The following CDCA5 variants were observed in gnomAD, a reference collection of about 807,000 sequenced individuals.
CDCA5 encodes the protein cell division cycle associated 5.
A neutral mutation model predicts 25.7 loss-of-function variants in CDCA5; 14 were observed. The observed-to-expected ratio is 0.54, with a 90% CI of 0.36 to 0.85. The LOEUF is 0.85. Ranked by LOEUF, CDCA5 falls within the 40% of genes least tolerant of loss-of-function variation. The pLI, the probability that CDCA5 is intolerant of heterozygous loss-of-function variation, is 0.01. For synonymous variants in CDCA5, 127 were observed against 128.7 expected (o/e 0.99, Z 0.09); for missense variants, 307 against 324.5 (o/e 0.95, Z 0.41).
chr11:65,066,459 CG>C lies in CDCA5; in HGVS notation c.577del (p.Arg193GlyfsTer?). ...CAGCTTGAAGAGGAGACCTGCCTTC[CG>C]GGGGTTTGGGTCACTGCAGGCAGAG... On this transcript the variant is annotated frameshift_variant, in exon 7 of 7. Transcript: ENST00000525464. LOFTEE classifies it low-confidence loss of function (END_TRUNC). The C allele has an allele frequency of 7.8e-7, 1 of 1,284,416 alleles. No homozygotes were observed. The highest frequency in any genetic ancestry group is 1.0e-6 in the Non-Finnish European group (1 of 985,558). 79.6% of individuals were successfully genotyped at this position (1,284,416 alleles called of 1,614,324 possible).
chr11:65,072,107 G>A (rs1447965043), intron 1 of CDCA5, among the ~76,000 whole-genome samples: 2 of 152,234 alleles, frequency 1.3e-5, no homozygotes, highest in Non-Finnish European at 2.9e-5. Context: ...AACTCTGCTG[G>A]CTGCTTTGCA....
intron 4 of CDCA5, chr11:65,067,646 C>G (rs1044527911): frequency 5.4e-6 from 7 of 1,288,904 alleles, no homozygotes; most frequent in Non-Finnish European, 7.1e-6. Flanking sequence ...ATCTGCCCGC[C>G]CAGATCACCT....
chr11:65,083,746 T>C, intron 1 of CDCA5, 23 bp from the exon 2 acceptor site: 3 of 1,601,434 alleles, frequency 1.9e-6, no homozygotes, highest in Non-Finnish European at 2.6e-6. Context: ...AAAAGTTAAG[T>C]GGTAGAGGAG....
At chr11:65,069,718 T>C (rs1947305158) in intron 1 of CDCA5, among the ~76,000 whole-genome samples, 1 of 152,122 alleles carries the variant, frequency 6.6e-6, no homozygotes, top group African/African-American at 2.4e-5. Flanking sequence ...ATTTACACCA[T>C]GAAGAAAAAC....
exon 4 of CDCA5, chr11:65,067,713 C>T: frequency 7.8e-7 from 1 of 1,289,828 alleles, no homozygotes; most frequent in South Asian, 1.2e-5. Context: ...GGGCCCCAGT[C>T]CTCCTGATCT....
At chr11:65,082,781 T>C (rs977294090) in intron 4 of CDCA5, among the ~76,000 whole-genome samples, 1 of 151,864 alleles carries the variant, frequency 6.6e-6, no homozygotes, top group African/African-American at 2.4e-5. Flanking sequence ...CTTTAAAGAC[T>C]CAGTTCAAAT....
At chr11:65,067,989 G>A in intron 3 of CDCA5, 2 of 1,170,072 alleles carry the variant, frequency 1.7e-6, no homozygotes, top group South Asian at 1.3e-5. Context: ...GCCTGCATGG[G>A]CACTCTCTCT....
downstream of CDCA5, among the ~76,000 whole-genome samples, chr11:65,073,584 G>A (rs934406167): frequency 5.9e-5 from 9 of 152,206 alleles, no homozygotes; most frequent in Admixed American, 2.0e-4. Flanking sequence ...CGCAGCCTGC[G>A]GTGGGTCTGT....
rs1947476715 is a variant in CDCA5, at chr11:65,077,837, G to T, written c.*1270C>A. On this transcript the variant is annotated 3_prime_UTR_variant, in exon 6 of 6. Coordinates refer to ENST00000275517, the MANE Select transcript of CDCA5 (RefSeq NM_080668.4). ...CCCTGACCCAGCACTCATCTTCCCT[G>T]GCATTCTCTGTTATCCACCAGCTCC... 2 of 985,752 alleles carry T rather than the reference G, an allele frequency of 2.0e-6. No homozygotes were observed. The highest frequency in any genetic ancestry group is 5.2e-4 in the Middle Eastern group (1 of 1,916). The allele number at this position is 985,752 out of a possible 1,614,324, so 61.1% of individuals were successfully genotyped here.
chr11:65,079,083 G>C lies in CDCA5; in HGVS notation c.*24C>G. ...TGTACAGGACAGGAGGGAGAGTCTG[G>C]CCAGGTGCACCCCCCACTGCATCTC... On this transcript the variant is annotated 3_prime_UTR_variant, in exon 6 of 6. Transcript: ENST00000275517. The C allele has an allele frequency of 6.6e-7, 1 of 1,510,798 alleles. No individual in the cohort carries two copies. The highest frequency in any genetic ancestry group is 8.8e-7 in the Non-Finnish European group (1 of 1,132,648). 93.6% of individuals were successfully genotyped at this position (1,510,798 alleles called of 1,614,324 possible).
In CDCA5 at chr11:65,078,683, G is replaced by C; in HGVS notation, c.*424C>G. 1.0e-6 allele frequency: 1 copy of C among 1,000,638 alleles called. No homozygotes were observed. Among genetic ancestry groups the C allele is most frequent in the Non-Finnish European group, 1.2e-6 (1 of 840,654 alleles). The allele number at this position is 1,000,638 out of a possible 1,614,324, so 62.0% of individuals were successfully genotyped here. On this transcript the variant is annotated 3_prime_UTR_variant, in exon 6 of 6. Coordinates refer to ENST00000275517, the MANE Select transcript of CDCA5 (RefSeq NM_080668.4). ...AAGCCACCAACAGAAGGCAACTCAG[G>C]AGGGAGAGGCCGAGGCTGGCAGAGC...
chr11:65,062,733 A>G (rs1565259930), downstream of CDCA5, among the ~76,000 whole-genome samples: 1 of 152,160 alleles, frequency 6.6e-6, no homozygotes, highest in Non-Finnish European at 1.5e-5. Context: ...GAAGTTCAAG[A>G]CCAGCCTGGG....
chr11:65,064,896 G>C (rs993162826), downstream of CDCA5, among the ~76,000 whole-genome samples: 2 of 152,114 alleles, frequency 1.3e-5, no homozygotes, highest in African/African-American at 4.8e-5. Flanking sequence ...GAAAAGAGAT[G>C]TTAGCTCAGC....
rs780975101 is a variant in CDCA5, at chr11:65,078,387, CCAGCG to C, written c.*715_*719del. ...GAAATGCACCCTTTGCTCCAAGCAGCCAGCGCCCTATCAACCTGGCATTTACCAAA... is the reference window on the plus strand; with the variant it reads ...GAAATGCACCCTTTGCTCCAAGCAGCCCCTATCAACCTGGCATTTACCAAA... On this transcript the variant is annotated 3_prime_UTR_variant, in exon 6 of 6. Transcript: ENST00000275517. 4.2e-4 allele frequency: 418 copies of C among 985,762 alleles called. 1 individual carries two copies. The highest frequency in any genetic ancestry group is 4.7e-4 in the Non-Finnish European group (391 of 830,182). The allele number at this position is 985,762 out of a possible 1,614,324, so 61.1% of individuals were successfully genotyped here. A position where few individuals can be genotyped will look rare whatever the true frequency, so the allele number is the denominator to read the frequency against.
In CDCA5 at chr11:65,079,200, A is replaced by G. The variant is rs1205376735; in HGVS notation, c.679-13T>C. 1 of 1,530,342 alleles carries G rather than the reference A, an allele frequency of 6.5e-7. No homozygotes were observed. The highest frequency in any genetic ancestry group is 1.4e-5 in the African/African-American group (1 of 72,006). The allele number at this position is 1,530,342 out of a possible 1,614,324, so 94.8% of individuals were successfully genotyped here. A position where few individuals can be genotyped will look rare whatever the true frequency, so the allele number is the denominator to read the frequency against. The stretch of plus-strand genomic sequence containing the variant: ...CCAGCTCCGTTTTCTGAGGGAAGAG[A>G]AATGAGGAGCAGGTGAGTGAGAAGG... On this transcript the variant is annotated splice_polypyrimidine_tract_variant and intron_variant, in intron 5 of 5. Coordinates refer to ENST00000275517, the MANE Select transcript of CDCA5 (RefSeq NM_080668.4).
intron 4 of CDCA5, among the ~76,000 whole-genome samples, chr11:65,082,459 C>CTTT (rs35061489): frequency 1.6e-4 from 17 of 103,070 alleles, no homozygotes; most frequent in African/African-American, 3.8e-4. Context: ...ACCTACTTGT[C>CTTT]TTTTTTTTTT....
chr11:65,078,854 G>A lies in CDCA5; in HGVS notation c.*253C>T. The stretch of plus-strand genomic sequence containing the variant: ...TCTGGAAACTGGCTATGGTACTTTG[G>A]GGAGATAGGAAGGACAGGACGACAA... On this transcript the variant is annotated 3_prime_UTR_variant, in exon 6 of 6. Coordinates refer to ENST00000275517, the MANE Select transcript of CDCA5 (RefSeq NM_080668.4). The A allele has an allele frequency of 8.3e-7, 1 of 1,210,258 alleles. No individual in the cohort carries two copies. Among genetic ancestry groups the A allele is most frequent in the Non-Finnish European group, 1.0e-6 (1 of 973,592 alleles). 75.0% of individuals were successfully genotyped at this position (1,210,258 alleles called of 1,614,324 possible).
At chr11:65,073,687 G>A (rs1387848541), downstream of CDCA5, among the ~76,000 whole-genome samples, 1 of 152,200 alleles carries the variant, frequency 6.6e-6, no homozygotes, top group Non-Finnish European at 1.5e-5. Context: ...GTTCTGGGGT[G>A]CAAACAGGAA....
rs1328409366 is a variant in CDCA5, at chr11:65,079,678, G to C, written c.353C>G (p.Pro118Arg). ...GGAGCTGGACTCGGCCTCAGGGTTC[G>C]GCACAGGAGTGCTGGTGGGGGTGGC... ...VPATPTSTPV[P>R]NPEAESSSKE... is the part of the protein sequence containing the mutation. The change falls in exon 5 of 6, where the codon CCG becomes CGG. Residue 118 changes from proline to arginine, a missense_variant. Transcript: ENST00000275517. 6.3e-7 allele frequency: 1 copy of C among 1,594,790 alleles called. No homozygotes were observed. Among genetic ancestry groups the C allele is most frequent in the Non-Finnish European group, 8.6e-7 (1 of 1,168,934 alleles).
Sources: allele counts gnomAD v4.1 joint callset (sites outside exome capture counted in the v4.1 genomes callset), GRCh38; gene constraint gnomAD v4.1.1; transcripts MANE v1.5; gene names NCBI Gene and HGNC (gene_info 2026-07-23, HGNC 2026-07-21).